Variants in CUEDC1 observed in about 807,000 individuals in gnomAD.
CUEDC1 encodes CUE domain-containing protein 1.
In CUEDC1, 30 loss-of-function variants were observed where a neutral mutation model predicts 43.7. The observed-to-expected ratio is 0.69, with a 90% CI of 0.51 to 0.93. CUEDC1 has a LOEUF of 0.93. Ranked by LOEUF, CUEDC1 falls within the 40% of genes least tolerant of loss-of-function variation. The pLI is 0.00. For synonymous variants in CUEDC1, 223 were observed against 223.6 expected, an observed-to-expected ratio of 1.00 and a Z score of 0.02; for missense variants, 486 against 549.0, an observed-to-expected ratio of 0.89 and a Z score of 1.15.
chr17:57,880,901 T>G (rs1387258447), intron 2 of CUEDC1, among the ~76,000 whole-genome samples: 1 of 152,162 alleles, frequency 6.6e-6, no homozygotes, highest in African/African-American at 2.4e-5. Flanking sequence ...GGCCTACACC[T>G]TCGCCTCCCG....
At chr17:57,936,971 C>G (rs1465497878) in intron 1 of CUEDC1, among the ~76,000 whole-genome samples, 1 of 152,096 alleles carries the variant, frequency 6.6e-6, no homozygotes, top group Admixed American at 6.5e-5. Flanking sequence ...CAGGCATACA[C>G]CACCACGTCA....
At chr17:57,896,487 G>GGGGTGTGTGTGT (rs375270781) in intron 1 of CUEDC1, among the ~76,000 whole-genome samples, 7 of 130,282 alleles carry the variant, frequency 5.4e-5, no homozygotes, top group East Asian at 2.1e-4. Flanking sequence ...TGCATTATGG[G>GGGGTGTGTGTGT]GTGTGTGTGT....
At chr17:57,927,279 G>A (rs1461031664) in intron 1 of CUEDC1, among the ~76,000 whole-genome samples, 7 of 151,904 alleles carry the variant, frequency 4.6e-5, no homozygotes, top group African/African-American at 1.7e-4. Context: ...GTGCCTGAGA[G>A]GCACTTCCTC....
chr17:57,920,577 G>T lies in CUEDC1; in HGVS notation c.-316+34648C>A, dbSNP rs2074688139. On this transcript the variant is annotated intron_variant, in intron 1 of 10. Transcript: ENST00000577830. The stretch of plus-strand genomic sequence containing the variant: ...CTGAGAAATGGGATGGGATTGGGGG[G>T]TTGTTAGGAGGAGCCAAAGAAGGCT... Among the ~76,000 whole-genome samples, 2 of 151,950 alleles carry T rather than the reference G, an allele frequency of 1.3e-5. 1 individual carries two copies. The highest frequency in any genetic ancestry group is 4.2e-4 in the South Asian group (2 of 4,778).
chr17:57,863,118 T>C lies in CUEDC1; in HGVS notation c.*171A>G, dbSNP rs976889048. On this transcript the variant is annotated 3_prime_UTR_variant, in exon 11 of 11. Transcript: ENST00000577830. ...AGCAACTCCGAAGTTCTAAGTCCCA[T>C]GGAAAGTGGCAGTGGTTGGGCTGGA... The C allele has an allele frequency of 1.3e-5, 2 of 152,688 alleles. No individual in the cohort carries two copies. Among genetic ancestry groups the C allele is most frequent in the Admixed American group, 6.5e-5 (1 of 15,272 alleles). 9.5% of individuals were successfully genotyped at this position (152,688 alleles called of 1,614,324 possible).
intron 1 of CUEDC1, among the ~76,000 whole-genome samples, chr17:57,946,802 G>A (rs749498550): frequency 3.3e-5 from 5 of 151,994 alleles, no homozygotes; most frequent in African/African-American, 7.2e-5. Context: ...ATCTTCATAC[G>A]CTCCCTCCTG....
chr17:57,940,225 T>G (rs1273530657), intron 1 of CUEDC1, among the ~76,000 whole-genome samples: 2 of 148,212 alleles, frequency 1.3e-5, no homozygotes, highest in African/African-American at 5.0e-5. Context: ...TTAAAGGAAG[T>G]GGCAGGTATT....
At chr17:57,915,004 T>C (rs1390017482) in intron 1 of CUEDC1, 6 of 152,170 alleles carry the variant, frequency 3.9e-5, no homozygotes. Context: ...ATTCTCCTTG[T>C]TTTACCAACA....
Position 57,954,232 on chromosome 17 carries a change from T to G in CUEDC1, c.-316+993A>C, listed in dbSNP as rs1160299262. Reference sequence around the variant, plus strand: ...ATTCCTCTCGCTACAAGACGCTGACTGCGGATCAGGTGGGGAGCACGGTGG... The same window carrying G: ...ATTCCTCTCGCTACAAGACGCTGACGGCGGATCAGGTGGGGAGCACGGTGG... On this transcript the variant is annotated intron_variant, in intron 1 of 10. Transcript: ENST00000577830. This position sits in a 1 kb window ranked among gnomAD's most constrained non-coding sequence, Gnocchi z 4.3. Among the ~76,000 whole-genome samples, 1 of 152,184 alleles carries G rather than the reference T, an allele frequency of 6.6e-6. No homozygotes were observed. Among genetic ancestry groups the G allele is most frequent in the Admixed American group, 6.5e-5 (1 of 15,282 alleles).
At chr17:57,950,446 T>C (rs2143248346) in intron 1 of CUEDC1, among the ~76,000 whole-genome samples, 1 of 151,518 alleles carries the variant, frequency 6.6e-6, no homozygotes, top group Admixed American at 6.6e-5. Flanking sequence ...AGCCACCGTG[T>C]CCAGCCTCTT....
At chr17:57,873,345 G>A (rs2074063027) in intron 4 of CUEDC1, among the ~76,000 whole-genome samples, 1 of 152,186 alleles carries the variant, frequency 6.6e-6, no homozygotes, top group South Asian at 2.1e-4. Context: ...TCCAGCCTGA[G>A]GTGACTGCTG....
At chr17:57,905,367 G>A (rs370046716) in intron 1 of CUEDC1, among the ~76,000 whole-genome samples, 3 of 152,238 alleles carry the variant, frequency 2.0e-5, no homozygotes, top group South Asian at 2.1e-4. Context: ...GCCTGGCTGC[G>A]CGCTGCCTGC....
intron 1 of CUEDC1, among the ~76,000 whole-genome samples, chr17:57,887,617 G>A (rs572352896): frequency 4.1e-5 from 6 of 145,066 alleles, no homozygotes; most frequent in Admixed American, 6.9e-5. Context: ...TCAGCCTCTC[G>A]AGTAGCTGGG....
chr17:57,917,268 T>C (rs1177824895), intron 1 of CUEDC1, among the ~76,000 whole-genome samples: 2 of 152,128 alleles, frequency 1.3e-5, no homozygotes, highest in South Asian at 2.1e-4. Flanking sequence ...CGGGTGAATG[T>C]TGGAGGAAGA....
intron 10 of CUEDC1, among the ~76,000 whole-genome samples, chr17:57,864,553 C>A (rs1213132523): frequency 6.6e-6 from 1 of 151,958 alleles, no homozygotes; most frequent in Non-Finnish European, 1.5e-5. Context: ...TGGAAGAGCA[C>A]CATAAGAATG....
At chr17:57,887,898 C>CTTTTTTTTTTTTTTT (rs748886251) in intron 1 of CUEDC1, among the ~76,000 whole-genome samples, 5 of 118,032 alleles carry the variant, frequency 4.2e-5, no homozygotes, top group African/African-American at 1.3e-4. Flanking sequence ...TTCTTTTTCT[C>CTTTTTTTTTTTTTTT]TTTTTTTTTT....
chr17:57,888,707 A>T (rs904248419), intron 1 of CUEDC1, among the ~76,000 whole-genome samples: 1 of 152,238 alleles, frequency 6.6e-6, no homozygotes, highest in African/African-American at 2.4e-5. Flanking sequence ...CAAGCCTCTA[A>T]CACAGACCTC....
At chr17:57,926,603 G>T (rs1487803322) in intron 1 of CUEDC1, among the ~76,000 whole-genome samples, 1 of 152,086 alleles carries the variant, frequency 6.6e-6, no homozygotes, top group Non-Finnish European at 1.5e-5. Flanking sequence ...GACCAGCCTG[G>T]ACAACATAGC....
At chr17:57,920,163 A>G (rs1393025408) in intron 1 of CUEDC1, among the ~76,000 whole-genome samples, 1 of 152,158 alleles carries the variant, frequency 6.6e-6, no homozygotes, top group African/African-American at 2.4e-5. Flanking sequence ...CTGTGCTCTA[A>G]AAACCCTCCC....
Sources: gnomAD v4.1 joint callset for allele counts (sites outside exome capture counted in the v4.1 genomes callset) on GRCh38, gnomAD v4.1.1 for gene constraint, Gnocchi (gnomAD v3.1) non-coding constraint, MANE v1.5 for transcripts, NCBI Gene and HGNC (gene_info 2026-07-23, HGNC 2026-07-21) for gene names.